GPNMB: variants seen among roughly 807,000 people sequenced by gnomAD.
GPNMB encodes the protein transmembrane glycoprotein NMB.
In GPNMB, 71 loss-of-function variants were observed where a neutral mutation model predicts 57.3. The observed-to-expected ratio is 1.24, with a 90% CI of 1.02 to 1.51. GPNMB has a LOEUF of 1.51. GPNMB is among the 40% of genes most tolerant of loss of function. The pLI, the probability that GPNMB is intolerant of heterozygous loss-of-function variation, is 0.00. For synonymous variants in GPNMB, 253 were observed against 263.2 expected (o/e 0.96, Z 0.38); for missense variants, 677 against 691.9 (o/e 0.98, Z 0.24).
chr7:23,270,407 GA>G (rs898977571), intron 9 of GPNMB, among the ~76,000 whole-genome samples: 4 of 151,800 alleles, frequency 2.6e-5, no homozygotes, highest in Admixed American at 1.3e-4. Flanking sequence ...GCCTTTTGAT[GA>G]AAAAAAATCA....
intron 8 of GPNMB, among the ~76,000 whole-genome samples, 155 bp downstream of exon 8, chr7:23,268,143 T>TA (rs1286907985): frequency 1.3e-5 from 2 of 152,182 alleles, no homozygotes; most frequent in Non-Finnish European, 2.9e-5. Flanking sequence ...GGAAGGTCCC[T>TA]AGGAGGTGCT....
chr7:23,259,563 C>T (rs1782863183), intron 4 of GPNMB, among the ~76,000 whole-genome samples: 1 of 152,030 alleles, frequency 6.6e-6, no homozygotes. Context: ...AATAATATAG[C>T]GGAAATAGTA....
chr7:23,254,193 C>T lies in GPNMB; in HGVS notation c.248C>T (p.Thr83Ile). ...WKGGRVQAVL[T>I]SDSPALVGSN... ...GGAGGCCGTGTGCAGGCGGTCCTGA[C>T]CAGTGACTCACCAGCCCTCGTGGGC... is the stretch of plus-strand genomic sequence containing the variant. Residue 83 changes from threonine to isoleucine, a missense_variant, in exon 3 of 11, where the codon ACC becomes ATC. Physicochemically the swap from Thr to Ile is moderately conservative, Grantham distance 89 (BLOSUM62 -1). Transcript: ENST00000258733. 1.2e-6 allele frequency: 2 copies of T among 1,614,056 alleles called. No individual in the cohort carries two copies. The highest frequency in any genetic ancestry group is 1.7e-6 in the Non-Finnish European group (2 of 1,179,952).
chr7:23,265,780 G>T (rs1319431075), intron 6 of GPNMB, among the ~76,000 whole-genome samples: 1 of 151,554 alleles, frequency 6.6e-6, no homozygotes, highest in Non-Finnish European at 1.5e-5. Context: ...TTACAGATGA[G>T]CAAATAGAGG....
In GPNMB at chr7:23,257,056, CA is replaced by C. The variant is rs752919998; in HGVS notation, c.533del (p.His178ProfsTer15). On this transcript the variant is annotated frameshift_variant, in exon 4 of 11. Transcript: ENST00000258733. LOFTEE classifies it high-confidence loss of function. Reference protein sequence around the residue: ...WRRWNFIYVFHTLGQYFQKLG... With the variant: ...WRRWNFIYVFXTLGQYFQKLG... ...AAGATGGAATTTCATCTACGTCTTCCACACACTTGGTTGGCTTTTACAAACC... is the reference window on the plus strand; with the variant it reads ...AAGATGGAATTTCATCTACGTCTTCCCACACTTGGTTGGCTTTTACAAACC... 4.3e-6 allele frequency: 7 copies of C among 1,613,876 alleles called. No individual in the cohort carries two copies. In the Admixed American group the frequency reaches 1.0e-4, roughly 23 times the overall value.
rs1184295215 is a variant in GPNMB at position 23,273,545 on chromosome 7, C to A, written c.1454C>A (p.Ala485Glu). Residue 485 changes from alanine to glutamate, a missense_variant, in exon 10 of 11, where the codon GCA becomes GAA. By Grantham distance (107) the Ala-to-Glu change is moderately radical. Coordinates refer to ENST00000258733, the MANE Select transcript of GPNMB (RefSeq NM_002510.3). ...GACCCAGCCTCGCCTTTAAGGATGGCAAACAGTGCCCTGATCTCCGTTGGC... is the reference window on the plus strand; with the variant it reads ...GACCCAGCCTCGCCTTTAAGGATGGAAAACAGTGCCCTGATCTCCGTTGGC... Reference protein sequence around the residue: ...DRDPASPLRMANSALISVGCL... With the variant: ...DRDPASPLRMENSALISVGCL... 6.2e-7 allele frequency: 1 copy of A among 1,613,336 alleles called. No homozygotes were observed. Among genetic ancestry groups the A allele is most frequent in the East Asian group, 2.2e-5 (1 of 44,886 alleles).
intron 3 of GPNMB, among the ~76,000 whole-genome samples, chr7:23,255,602 T>G (rs190147781): frequency 3.9e-5 from 6 of 152,252 alleles, no homozygotes; most frequent in Admixed American, 3.9e-4. Context: ...GGTAGCTCTA[T>G]TTTTAGTTTT....
chr7:23,254,129 AAG>A, intron 2 of GPNMB, 38 bp from the exon 3 acceptor site: 1 of 1,574,526 alleles, frequency 6.4e-7, no homozygotes, highest in Non-Finnish European at 8.6e-7. Context: ...CGAAAGGAAA[AAG>A]ATGCTGGATC....
intron 2 of GPNMB, 59 bp downstream of exon 2, chr7:23,253,518 A>G: frequency 7.0e-7 from 1 of 1,435,546 alleles, no homozygotes; most frequent in Non-Finnish European, 9.7e-7. Context: ...AGTCTTGTAG[A>G]TGGTAAAGCC....
chr7:23,254,284 C>T lies in GPNMB; in HGVS notation c.339C>T (p.Asn113=), dbSNP rs1583817383. The stretch of plus-strand genomic sequence containing the variant: ...GCCAAAAGGAAGATGCCAATGGCAA[C>T]ATAGTCTATGAGAAGAACTGCAGAA... ...PRCQKEDANG[N]IVYEKNCRNE... The change falls in exon 3 of 11, where the codon AAC becomes AAT. Residue 113 remains asparagine, a synonymous_variant. Transcript: ENST00000258733. 6.2e-7 allele frequency: 1 copy of T among 1,613,388 alleles called. No homozygotes were observed. The highest frequency in any genetic ancestry group is 8.5e-7 in the Non-Finnish European group (1 of 1,179,326).
chr7:23,267,524 G>A (rs156427), intron 7 of GPNMB, among the ~76,000 whole-genome samples: 6,992 of 152,184 alleles, frequency 0.046, 238 homozygotes, highest in South Asian at 0.11. Context: ...TTTATTTCTC[G>A]TAGTTCTAAA....
intron 1 of GPNMB, among the ~76,000 whole-genome samples, chr7:23,248,692 C>A (rs958664162): frequency 1.3e-5 from 2 of 152,006 alleles, no homozygotes; most frequent in South Asian, 2.1e-4. Context: ...CTGGGTGCGA[C>A]CTCAAATTTA....
chr7:23,261,483 A>C (rs111416687), intron 6 of GPNMB, among the ~76,000 whole-genome samples: 5,814 of 152,268 alleles, frequency 0.038, 329 homozygotes, highest in African/African-American at 0.13. Context: ...CCTTTGTAGG[A>C]ACATGGATGA....
chr7:23,252,004 G>C (rs1441371325), intron 1 of GPNMB, among the ~76,000 whole-genome samples: 1 of 152,068 alleles, frequency 6.6e-6, no homozygotes, highest in East Asian at 1.9e-4. Flanking sequence ...GGTCAGGCAA[G>C]GCAAAATTGC....
Position 23,274,272 on chromosome 7 carries a change from G to C in GPNMB, c.*48G>C, listed in dbSNP as rs188325299. 6 of 1,419,060 alleles carry C rather than the reference G, an allele frequency of 4.2e-6. No individual in the cohort carries two copies. The highest frequency in any genetic ancestry group is 1.7e-5 in the Admixed American group (1 of 57,812). 87.9% of individuals were successfully genotyped at this position (1,419,060 alleles called of 1,614,324 possible). ...TCACTTTTCAGTGCCATTGATGTGA[G>C]ATGTGCTGGAGTGGCTATTAACCTT... On this transcript the variant is annotated 3_prime_UTR_variant, in exon 11 of 11. Coordinates refer to ENST00000258733, the MANE Select transcript of GPNMB (RefSeq NM_002510.3).
intron 1 of GPNMB, among the ~76,000 whole-genome samples, chr7:23,248,277 A>C (rs17147947): frequency 0.041 from 6,316 of 152,218 alleles, 374 homozygotes; most frequent in East Asian, 0.12. Context: ...AGGACAGGCT[A>C]CTTTAAAGAC....
intron 6 of GPNMB, among the ~76,000 whole-genome samples, chr7:23,265,110 C>G (rs75128856): frequency 0.028 from 4,208 of 152,276 alleles, 186 homozygotes; most frequent in African/African-American, 0.089. Context: ...GCCTTTCTGG[C>G]CTTTACCTGA....
chr7:23,257,069 G>C lies in GPNMB; in HGVS notation c.541+4G>C. On this transcript the variant is annotated splice_donor_region_variant and intron_variant, in intron 4 of 10. Transcript: ENST00000258733. Reference sequence around the variant, plus strand: ...ATCTACGTCTTCCACACACTTGGTTGGCTTTTACAAACCCCTAAGCTTCTT... The same window carrying C: ...ATCTACGTCTTCCACACACTTGGTTCGCTTTTACAAACCCCTAAGCTTCTT... The C allele has an allele frequency of 6.2e-7, 1 of 1,612,998 alleles. No individual in the cohort carries two copies. The highest frequency in any genetic ancestry group is 2.2e-5 in the East Asian group (1 of 44,880).
At position 23,253,387 on chromosome 7, in the gene GPNMB, GA is replaced by G; in HGVS notation, c.155del (p.Asn52MetfsTer16). On this transcript the variant is annotated frameshift_variant, in exon 2 of 11. Transcript: ENST00000258733. LOFTEE classifies it high-confidence loss of function. The stretch of plus-strand genomic sequence containing the variant: ...TCAATTAAATGGCTGGTCTTCTGAT[GA>G]AAATGACTGGAATGAAAAACTCTAC... ...HNQLNGWSSD[E>X]NDWNEKLYPV... 1 of 1,614,008 alleles carries G rather than the reference GA, an allele frequency of 6.2e-7. No homozygotes were observed. The highest frequency in any genetic ancestry group is 8.5e-7 in the Non-Finnish European group (1 of 1,179,880).
Sources: gnomAD v4.1 joint callset for allele counts (sites outside exome capture counted in the v4.1 genomes callset) on GRCh38, gnomAD v4.1.1 for gene constraint, MANE v1.5 for transcripts, NCBI Gene and HGNC (gene_info 2026-07-23, HGNC 2026-07-21) for gene names.